Variants in MSI2 observed in about 807,000 individuals in gnomAD.
MSI2 encodes the protein musashi RNA binding protein 2.
MSI2 carries 17 observed loss-of-function variants against 45.6 expected under a neutral mutation model. The ratio of observed to expected loss-of-function variants is 0.37; its 90% CI spans 0.26 to 0.56. MSI2 has a LOEUF of 0.56. Ranked by LOEUF, MSI2 falls within the 20% of genes least tolerant of loss-of-function variation. The pLI is 0.77. For missense variants in MSI2, 293 were observed against 444.2 expected (o/e 0.66, Z 3.06); for synonymous variants, 156 against 158.2 (o/e 0.99, Z 0.11).
chr17:57,612,396 G>A lies in MSI2; in HGVS notation c.538-3574G>A. On this transcript the variant is annotated intron_variant, in intron 8 of 13. Coordinates refer to ENST00000284073, the MANE Select transcript of MSI2 (RefSeq NM_138962.4). The stretch of plus-strand genomic sequence containing the variant: ...CTGAGTCTCGGGGGTGGAGGGGACT[G>A]GACAGGCTTCCTGGTCCTGAGAAGT... Among the ~76,000 whole-genome samples, 2 of 94,672 alleles carry A rather than the reference G, an allele frequency of 2.1e-5. 1 individual carries two copies. The highest frequency in any genetic ancestry group is 5.1e-5 in the Non-Finnish European group (2 of 39,366). 62.1% of individuals were successfully genotyped at this position (94,672 alleles called of 152,430 possible). A position where few individuals can be genotyped will look rare whatever the true frequency, so the allele number is the denominator to read the frequency against.
At chr17:57,658,096 C>T (rs1385564443) in intron 11 of MSI2, among the ~76,000 whole-genome samples, 2 of 152,176 alleles carry the variant, frequency 1.3e-5, no homozygotes, top group African/African-American at 2.4e-5. Context: ...GGGGGCGGAG[C>T]GGGGGATGCA....
Position 57,674,991 on chromosome 17 carries a change from C to T in MSI2, c.810C>T (p.Pro270=), listed in dbSNP as rs757039485. Reference sequence around the variant, plus strand: ...CGGCAGGCTCCAACCCGGCGCGGCCCGGAGGCTTCCCGGGGGCCAACAGCC... The same window carrying T: ...CGGCAGGCTCCAACCCGGCGCGGCCTGGAGGCTTCCCGGGGGCCAACAGCC... ...ARGSGSNPAR[P]GGFPGANSPG... Residue 270 remains proline, a synonymous_variant, in exon 12 of 14, where the codon CCC becomes CCT. Transcript: ENST00000284073. 1.1e-5 allele frequency: 18 copies of T among 1,613,380 alleles called. No homozygotes were observed. Among genetic ancestry groups the T allele is most frequent in the Admixed American group, 5.0e-5 (3 of 59,986 alleles).
chr17:57,627,120 G>C lies in MSI2; in HGVS notation c.653-109G>C. On this transcript the variant is annotated intron_variant, in intron 9 of 13. Transcript: ENST00000284073. The surrounding 1 kb of genome is among the most constrained non-coding windows in gnomAD (Gnocchi z 4.6). ...ACCCTCATGAGAGACAAATTATTCTGTGAAGGAAAATAACTCAGGCTTTCC... is the reference window on the plus strand; with the variant it reads ...ACCCTCATGAGAGACAAATTATTCTCTGAAGGAAAATAACTCAGGCTTTCC... The C allele has an allele frequency of 9.9e-7, 1 of 1,013,698 alleles. No individual in the cohort carries two copies. The highest frequency in any genetic ancestry group is 1.6e-6 in the Non-Finnish European group (1 of 641,322). The allele number at this position is 1,013,698 out of a possible 1,614,324, so 62.8% of individuals were successfully genotyped here.
At chr17:57,547,124 A>G (rs1410531609) in intron 7 of MSI2, among the ~76,000 whole-genome samples, 1 of 152,188 alleles carries the variant, frequency 6.6e-6, no homozygotes, top group African/African-American at 2.4e-5. Context: ...GGAGCAGATA[A>G]CAGCAAGTGT....
Position 57,321,097 on chromosome 17 carries a change from GA to G in MSI2, c.312+58906del, listed in dbSNP as rs1165791610. Among the ~76,000 whole-genome samples the G allele has an allele frequency of 4.0e-5, 6 of 151,408 alleles. No individual in the cohort carries two copies. The East Asian group carries it at 1.2e-3, about 30-fold the overall frequency. On this transcript the variant is annotated intron_variant, in intron 5 of 13. Coordinates refer to ENST00000284073, the MANE Select transcript of MSI2 (RefSeq NM_138962.4). ...CTGGGCTATAATTGGCGGTGGGGGG[GA>G]TGGATTTGGGGGCCTGGGATGGTCT...
chr17:57,467,557 T>G (rs530839367), intron 6 of MSI2, among the ~76,000 whole-genome samples: 2 of 151,970 alleles, frequency 1.3e-5, no homozygotes, highest in African/African-American at 2.4e-5. Context: ...GATGGCTAGA[T>G]GGGTGGATGG....
chr17:57,344,032 T>A (rs1182733212), intron 5 of MSI2, among the ~76,000 whole-genome samples: 1 of 152,220 alleles, frequency 6.6e-6, no homozygotes, highest in Admixed American at 6.5e-5. Context: ...GTTACTATGT[T>A]TTGTCTTGCA....
chr17:57,406,235 T>A (rs1483879595), intron 6 of MSI2, among the ~76,000 whole-genome samples: 1 of 152,092 alleles, frequency 6.6e-6, no homozygotes, highest in Non-Finnish European at 1.5e-5. Context: ...GATATGCCCG[T>A]GTAGACCCTG....
At chr17:57,568,333 A>T (rs2087787756) in intron 7 of MSI2, among the ~76,000 whole-genome samples, 1 of 152,184 alleles carries the variant, frequency 6.6e-6, no homozygotes, top group South Asian at 2.1e-4. Context: ...TGGGCACAAG[A>T]CACAAGACAG....
At chr17:57,345,047 G>A (rs1292014727) in intron 5 of MSI2, among the ~76,000 whole-genome samples, 1 of 151,926 alleles carries the variant, frequency 6.6e-6, no homozygotes, top group East Asian at 1.9e-4. Context: ...TGGGCGACAG[G>A]GCGAGACTCC....
chr17:57,462,884 C>T (rs2085257854), intron 6 of MSI2, among the ~76,000 whole-genome samples: 1 of 152,220 alleles, frequency 6.6e-6, no homozygotes, highest in Non-Finnish European at 1.5e-5. Flanking sequence ...CTCTGTCATA[C>T]ACACAAGCAC....
intron 7 of MSI2, among the ~76,000 whole-genome samples, chr17:57,577,952 C>A (rs2088095003): frequency 6.6e-6 from 1 of 152,170 alleles, no homozygotes; most frequent in African/African-American, 2.4e-5. Context: ...GCAAGCAAAG[C>A]TTTGGAAAAA....
chr17:57,583,610 G>A (rs2088267297), intron 7 of MSI2, among the ~76,000 whole-genome samples: 1 of 151,446 alleles, frequency 6.6e-6, no homozygotes, highest in African/African-American at 2.4e-5. Context: ...TGAGACCACA[G>A]GCACGTGCCA....
intron 6 of MSI2, among the ~76,000 whole-genome samples, chr17:57,420,173 G>A (rs577645287): frequency 2.0e-5 from 3 of 152,326 alleles, no homozygotes; most frequent in East Asian, 1.9e-4. Context: ...GGTCCAGGAC[G>A]CAGGTGATTG....
intron 5 of MSI2, among the ~76,000 whole-genome samples, chr17:57,339,196 G>C (rs528984728): frequency 6.6e-6 from 1 of 152,174 alleles, no homozygotes; most frequent in Non-Finnish European, 1.5e-5. Flanking sequence ...CAAGCAGCCC[G>C]CGAGGCACCA....
intron 10 of MSI2, among the ~76,000 whole-genome samples, chr17:57,645,056 A>G (rs945376999): frequency 5.3e-5 from 8 of 152,216 alleles, no homozygotes; most frequent in Admixed American, 3.3e-4. Context: ...ACAGAGGGCA[A>G]TACCCTTTCA....
At chr17:57,279,776 CTAGGACCGCAGG>C (rs1909250475) in intron 5 of MSI2, 1 of 152,156 alleles carries the variant, frequency 6.6e-6, no homozygotes, top group African/African-American at 2.4e-5. Context: ...TCCCAAGTAG[CTAGGACCGCAGG>C]CACACATCAC....
chr17:57,566,974 T>C (rs1418781546), intron 7 of MSI2, among the ~76,000 whole-genome samples: 2 of 152,134 alleles, frequency 1.3e-5, no homozygotes, highest in African/African-American at 2.4e-5. Flanking sequence ...AAGGACCTGA[T>C]GAGTCTTCCT....
intron 5 of MSI2, among the ~76,000 whole-genome samples, chr17:57,352,164 G>T (rs1458940878): frequency 6.6e-6 from 1 of 152,188 alleles, no homozygotes; most frequent in Non-Finnish European, 1.5e-5. Flanking sequence ...CACTCAACAA[G>T]TATATGTCAC....
Sources: gnomAD v4.1 joint callset for allele counts (sites outside exome capture counted in the v4.1 genomes callset) on GRCh38, gnomAD v4.1.1 for gene constraint, Gnocchi (gnomAD v3.1) non-coding constraint, MANE v1.5 for transcripts, NCBI Gene and HGNC (gene_info 2026-07-23, HGNC 2026-07-21) for gene names.